Variants in DNAJC6 observed in about 807,000 individuals in gnomAD.
DNAJC6 encodes the protein DnaJ heat shock protein family (Hsp40) member C6, also known as auxilin.
A neutral mutation model predicts 110.0 loss-of-function variants in DNAJC6; 34 were observed. The ratio of observed to expected loss-of-function variants is 0.31; its 90% CI spans 0.24 to 0.41. The LOEUF is 0.41. DNAJC6 is among the 10% of genes least tolerant of loss of function. DNAJC6 has a pLI of 1.00. For missense variants in DNAJC6, 1,031 were observed against 1,207.8 expected (o/e 0.85, Z 2.17); for synonymous variants, 406 against 437.2 (o/e 0.93, Z 0.89).
chr1:65,341,132 G>A (rs75909229), intron 1 of DNAJC6, among the ~76,000 whole-genome samples: 137 of 152,286 alleles, frequency 9.0e-4, no homozygotes, highest in Non-Finnish European at 1.6e-3. Flanking sequence ...GAAACAGTGT[G>A]TGTGAAGCAT....
chr1:65,295,008 T>C (rs1215979634), intron 1 of DNAJC6, among the ~76,000 whole-genome samples: 1 of 152,240 alleles, frequency 6.6e-6, no homozygotes, highest in Non-Finnish European at 1.5e-5. Context: ...TTTCTTTTTA[T>C]GTGTTATAGA....
At chr1:65,385,934 A>G (rs1243425284) in intron 7 of DNAJC6, 28 bp downstream of exon 7, 2 of 1,546,414 alleles carry the variant, frequency 1.3e-6, no homozygotes, top group Non-Finnish European at 1.8e-6. Flanking sequence ...ACTTCTTCCT[A>G]TGTACTTCTC....
intron 1 of DNAJC6, among the ~76,000 whole-genome samples, chr1:65,353,048 C>T (rs1363619887): frequency 6.6e-6 from 1 of 152,152 alleles, no homozygotes; most frequent in African/African-American, 2.4e-5. Flanking sequence ...CCTCTGCTAT[C>T]TCTATTCTCT....
intron 1 of DNAJC6, among the ~76,000 whole-genome samples, chr1:65,289,770 T>A (rs1268102670): frequency 2.6e-5 from 4 of 152,044 alleles, no homozygotes; most frequent in African/African-American, 9.7e-5. Context: ...AGTGCTATTG[T>A]ACCAGTACCA....
In DNAJC6 at chr1:65,414,916, G is replaced by C. The variant is rs1313718671; in HGVS notation, c.*1891G>C. 6.6e-6 allele frequency: 1 copy of C among 152,590 alleles called. No homozygotes were observed. The highest frequency in any genetic ancestry group is 1.9e-4 in the East Asian group (1 of 5,202). The allele number at this position is 152,590 out of a possible 1,614,324, so 9.5% of individuals were successfully genotyped here. ...GGATGTCACGTATTTTGAAATGATA[G>C]AACTACATTAGCTTTGTATCATGTT... On this transcript the variant is annotated 3_prime_UTR_variant, in exon 19 of 19. Coordinates refer to ENST00000371069, the MANE Select transcript of DNAJC6 (RefSeq NM_001256864.2).
chr1:65,378,633 G>A (rs566389062), intron 4 of DNAJC6, among the ~76,000 whole-genome samples: 1 of 152,214 alleles, frequency 6.6e-6, no homozygotes, highest in South Asian at 2.1e-4. Context: ...TGCCTTAACA[G>A]TATTTTGAGG....
rs538063452 is a variant in DNAJC6, at chr1:65,347,767, A to G, written c.194-16868A>G. On this transcript the variant is annotated intron_variant, in intron 1 of 18. Transcript: ENST00000371069. Reference sequence around the variant, plus strand: ...CACACGTGCACACATACACACACACACAAAAATGAAGATTTTCTTGACCAG... The same window carrying G: ...CACACGTGCACACATACACACACACGCAAAAATGAAGATTTTCTTGACCAG... Among the ~76,000 whole-genome samples the G allele has an allele frequency of 1.4e-4, 21 of 152,186 alleles. No homozygotes were observed. The East Asian group carries it at 3.9e-3, about 28-fold the overall frequency.
intron 1 of DNAJC6, among the ~76,000 whole-genome samples, chr1:65,337,663 A>C (rs1348820647): frequency 6.6e-6 from 1 of 152,248 alleles, no homozygotes; most frequent in Non-Finnish European, 1.5e-5. Flanking sequence ...ACAACAAAAA[A>C]GTACAGAATA....
chr1:65,354,361 C>T (rs1645522027), intron 1 of DNAJC6, among the ~76,000 whole-genome samples: 1 of 152,152 alleles, frequency 6.6e-6, no homozygotes, highest in South Asian at 2.1e-4. Flanking sequence ...ACCTCAGTTT[C>T]CTCAGTGGGA....
At position 65,380,890 on chromosome 1, in the gene DNAJC6, GT is replaced by G. The variant is rs1302360579; in HGVS notation, c.666+1379del. 7.7e-4 allele frequency among the ~76,000 whole-genome samples: 92 copies of G among 118,768 alleles called. 1 individual carries two copies. Among genetic ancestry groups the G allele is most frequent in the Middle Eastern group, 4.0e-3 (1 of 248 alleles). 77.9% of individuals were successfully genotyped at this position (118,768 alleles called of 152,430 possible). A position where few individuals can be genotyped will look rare whatever the true frequency, so the allele number is the denominator to read the frequency against. On this transcript the variant is annotated intron_variant, in intron 5 of 18. Transcript: ENST00000371069. ...AATGGAATTGAAGCTGGGGGAGGGA[GT>G]TTTTTTTTTTTTGTTTTTTGTTTTG...
intron 1 of DNAJC6, among the ~76,000 whole-genome samples, chr1:65,273,963 AT>A: frequency 6.6e-6 from 1 of 152,262 alleles, no homozygotes; most frequent in East Asian, 1.9e-4. Context: ...TGTTCTATAT[AT>A]GTTAATTATT....
intron 1 of DNAJC6, among the ~76,000 whole-genome samples, chr1:65,292,532 G>A (rs964271596): frequency 1.3e-5 from 2 of 151,868 alleles, no homozygotes. Context: ...CTGGGCTCAA[G>A]CAATCCTCCT....
intron 2 of DNAJC6, 111 bp downstream of exon 2, chr1:65,364,896 T>A (rs1645631768): frequency 7.2e-7 from 1 of 1,393,994 alleles, no homozygotes; most frequent in Non-Finnish European, 9.8e-7. Context: ...GATATAATTT[T>A]ATGGGATCTG....
intron 1 of DNAJC6, among the ~76,000 whole-genome samples, chr1:65,346,613 GAC>G (rs1645439185): frequency 6.6e-6 from 1 of 151,876 alleles, no homozygotes; most frequent in Admixed American, 6.6e-5. Context: ...CTTTTTCAGA[GAC>G]CCCTGCCCCA....
At chr1:65,299,028 G>A (rs1644953073) in intron 1 of DNAJC6, 1 of 152,168 alleles carries the variant, frequency 6.6e-6, no homozygotes, top group African/African-American at 2.4e-5. Context: ...GTCTTTCCCG[G>A]ATGATGGAGA....
intron 12 of DNAJC6, 81 bp downstream of exon 12, chr1:65,392,946 A>G (rs776875678): frequency 5.5e-5 from 72 of 1,309,646 alleles, no homozygotes; most frequent in Non-Finnish European, 7.1e-5. Flanking sequence ...GAACTTTCCT[A>G]ATAAGCTAGA....
intron 4 of DNAJC6, among the ~76,000 whole-genome samples, chr1:65,371,004 G>A (rs887372927): frequency 6.6e-6 from 1 of 152,088 alleles, no homozygotes; most frequent in African/African-American, 2.4e-5. Flanking sequence ...AATAACTGGA[G>A]TGAAAAAAAC....
intron 1 of DNAJC6, among the ~76,000 whole-genome samples, chr1:65,297,142 G>A (rs1644936377): frequency 6.6e-6 from 1 of 152,176 alleles, no homozygotes; most frequent in Non-Finnish European, 1.5e-5. Context: ...GGGATCTGAA[G>A]GGCAGGCTGG....
At chr1:65,412,700 A>C in intron 18 of DNAJC6, among the ~76,000 whole-genome samples, 1 of 152,130 alleles carries the variant, frequency 6.6e-6, no homozygotes, top group East Asian at 1.9e-4. Flanking sequence ...TCTGTTGTCT[A>C]CTTCTTGATG....
Sources: gnomAD v4.1 joint callset for allele counts (sites outside exome capture counted in the v4.1 genomes callset) on GRCh38, gnomAD v4.1.1 for gene constraint, MANE v1.5 for transcripts, NCBI Gene and HGNC (gene_info 2026-07-23, HGNC 2026-07-21) for gene names.